SAMMSON: variants seen among roughly 807,000 people sequenced by gnomAD.
SAMMSON encodes long intergenic non-protein coding RNA 1212.
intron 2 of SAMMSON, among the ~76,000 whole-genome samples, chr3:70,404,095 A>G (rs1265424374): frequency 6.6e-6 from 1 of 152,162 alleles, no homozygotes; most frequent in Non-Finnish European, 1.5e-5. Context: ...TCTGTTTAAA[A>G]TATCTAGTGA....
chr3:70,010,764 G>A (rs375526450), intron 1 of SAMMSON, among the ~76,000 whole-genome samples: 3 of 152,230 alleles, frequency 2.0e-5, no homozygotes, highest in African/African-American at 7.2e-5. Context: ...GTTCCGCATT[G>A]TCGGGGAGGC....
At chr3:70,272,230 A>C (rs1559550590) in intron 6 of SAMMSON, 1 of 152,214 alleles carries the variant, frequency 6.6e-6, no homozygotes, top group Admixed American at 6.5e-5. Flanking sequence ...ATCACAATTA[A>C]AATGAAAAAT....
chr3:70,266,995 C>T (rs1339519138), intron 6 of SAMMSON, among the ~76,000 whole-genome samples: 2 of 152,136 alleles, frequency 1.3e-5, no homozygotes, highest in African/African-American at 2.4e-5. Context: ...AGACTGCCAA[C>T]ATTTTCCGGT....
intron 6 of SAMMSON, among the ~76,000 whole-genome samples, chr3:70,282,873 G>A (rs978914342): frequency 1.3e-5 from 2 of 152,136 alleles, no homozygotes; most frequent in African/African-American, 4.8e-5. Context: ...AATATTTGTA[G>A]AATTCATGAA....
chr3:70,282,628 T>A (rs1376739342), intron 6 of SAMMSON, among the ~76,000 whole-genome samples: 1 of 152,192 alleles, frequency 6.6e-6, no homozygotes, highest in African/African-American at 2.4e-5. Flanking sequence ...TTTCTAGATC[T>A]AAACATGGTT....
chr3:70,025,426 A>G (rs1446605444), intron 3 of SAMMSON, among the ~76,000 whole-genome samples: 2 of 152,052 alleles, frequency 1.3e-5, no homozygotes, highest in African/African-American at 2.4e-5. Flanking sequence ...TGTATTTAGT[A>G]GAGAAGGGGT....
At chr3:70,027,347 A>G (rs957178251) in intron 3 of SAMMSON, among the ~76,000 whole-genome samples, 2 of 152,218 alleles carry the variant, frequency 1.3e-5, no homozygotes, top group Non-Finnish European at 2.9e-5. Flanking sequence ...CCTTGAAGAC[A>G]TCAGATGTTA....
intron 9 of SAMMSON, among the ~76,000 whole-genome samples, chr3:70,376,933 C>T (rs558459703): frequency 6.6e-6 from 1 of 152,012 alleles, no homozygotes; most frequent in Non-Finnish European, 1.5e-5. Context: ...AAAATCCTCA[C>T]AAATATCATT....
At chr3:70,285,768 T>A (rs1381274006) in intron 6 of SAMMSON, among the ~76,000 whole-genome samples, 3 of 152,114 alleles carry the variant, frequency 2.0e-5, no homozygotes, top group Non-Finnish European at 4.4e-5. Flanking sequence ...TGTGAGATGG[T>A]ATCTCATTGT....
intron 7 of SAMMSON, among the ~76,000 whole-genome samples, chr3:70,335,264 C>T (rs1224111809): frequency 6.6e-6 from 1 of 151,920 alleles, no homozygotes. Flanking sequence ...TATTTCGTTT[C>T]CTTCACTATA....
chr3:70,311,582 CT>C (rs1702453494), intron 7 of SAMMSON, among the ~76,000 whole-genome samples: 3 of 152,112 alleles, frequency 2.0e-5, no homozygotes, highest in Admixed American at 1.3e-4. Flanking sequence ...GGAGAAAAAT[CT>C]ACAGCACTGC....
intron 2 of SAMMSON, chr3:70,013,517 C>T (rs956741279): frequency 2.6e-5 from 4 of 152,092 alleles, no homozygotes; most frequent in African/African-American, 4.8e-5. Context: ...CTCTTTCTTT[C>T]AGGGTAGTAA....
At chr3:70,269,631 T>C (rs959969438) in intron 6 of SAMMSON, among the ~76,000 whole-genome samples, 1 of 152,220 alleles carries the variant, frequency 6.6e-6, no homozygotes, top group Non-Finnish European at 1.5e-5. Flanking sequence ...AATTAAATTA[T>C]GTTAATTTAA....
intron 3 of SAMMSON, among the ~76,000 whole-genome samples, chr3:70,017,489 A>G (rs1299363440): frequency 6.6e-6 from 1 of 152,088 alleles, no homozygotes; most frequent in Non-Finnish European, 1.5e-5. Context: ...TTGGGCTGAG[A>G]CGATGGGGTT....
chr3:70,197,666 C>T (rs890623346), intron 4 of SAMMSON, among the ~76,000 whole-genome samples: 1 of 152,224 alleles, frequency 6.6e-6, no homozygotes, highest in African/African-American at 2.4e-5. Flanking sequence ...AAATCTGCCA[C>T]ACCCATATTC....
chr3:70,158,039 A>T (rs2067598927), intron 4 of SAMMSON, among the ~76,000 whole-genome samples: 1 of 152,126 alleles, frequency 6.6e-6, no homozygotes, highest in Admixed American at 6.6e-5. Flanking sequence ...TTTAATAATA[A>T]CTTCATTCAG....
In SAMMSON at chr3:70,131,793, G is replaced by A. The variant is rs140926401; in HGVS notation, n.507+60228G>A. Among the ~76,000 whole-genome samples the A allele has an allele frequency of 2.7e-3, 417 of 151,992 alleles. 2 individuals carry two copies. The highest frequency in any genetic ancestry group is 4.3e-3 in the Non-Finnish European group (292 of 67,986). On this transcript the variant is annotated intron_variant and non_coding_transcript_variant, in intron 4 of 9. Coordinates refer to ENST00000642114, the Ensembl canonical transcript of SAMMSON. ...GAGGTAGGGTCTCACTAAATTGCTCGTCTAGAACTCCTGATCCCAATTGAT... is the reference window on the plus strand; with the variant it reads ...GAGGTAGGGTCTCACTAAATTGCTCATCTAGAACTCCTGATCCCAATTGAT...
intron 2 of SAMMSON, among the ~76,000 whole-genome samples, chr3:70,432,579 C>T (rs1295529164): frequency 6.6e-6 from 1 of 151,958 alleles, no homozygotes; most frequent in Admixed American, 6.6e-5. Flanking sequence ...CTGCCACATC[C>T]TTACACAGTT....
At chr3:70,267,835 AAT>A (rs1234972694) in intron 6 of SAMMSON, among the ~76,000 whole-genome samples, 10 of 152,172 alleles carry the variant, frequency 6.6e-5, no homozygotes, top group African/African-American at 2.4e-4. Flanking sequence ...ATGGAAATTT[AAT>A]ATGATTACTA....
Sources: allele counts gnomAD v4.1 joint callset (sites outside exome capture counted in the v4.1 genomes callset), GRCh38; gene constraint gnomAD v4.1.1; transcripts MANE v1.5; gene names NCBI Gene and HGNC (gene_info 2026-07-23, HGNC 2026-07-21).